The following ZFAND3 variants were observed in gnomAD, a reference collection of about 807,000 sequenced individuals.
ZFAND3 encodes the protein zinc finger AN1-type containing 3.
In ZFAND3, 10 loss-of-function variants were observed where a neutral mutation model predicts 29.6. The observed-to-expected ratio is 0.34, with a 90% CI of 0.21 to 0.57. The LOEUF is 0.57. Among genes scored for constraint, ZFAND3 ranks in the 20% least tolerant of loss-of-function variants. The pLI is 0.86. For missense variants in ZFAND3, 230 were observed against 304.5 expected, an observed-to-expected ratio of 0.76 and a Z score of 1.82; for synonymous variants, 128 against 112.6, an observed-to-expected ratio of 1.14 and a Z score of -0.87.
chr6:37,924,833 A>T (rs1475396751), intron 1 of ZFAND3, among the ~76,000 whole-genome samples: 1 of 152,038 alleles, frequency 6.6e-6, no homozygotes, highest in African/African-American at 2.4e-5. Flanking sequence ...AAAAAATAAA[A>T]AAATAAATTG....
intron 4 of ZFAND3, among the ~76,000 whole-genome samples, chr6:38,090,000 C>T (rs572704689): frequency 1.2e-4 from 18 of 152,156 alleles, no homozygotes; most frequent in African/African-American, 3.9e-4. Flanking sequence ...ACTACAGGTG[C>T]GTGCCACCAC....
Position 37,820,957 on chromosome 6 carries a change from A to T in ZFAND3, c.71+941A>T, listed in dbSNP as rs572503338. Among the ~76,000 whole-genome samples the T allele has an allele frequency of 5.9e-5, 9 of 152,366 alleles. No individual in the cohort carries two copies. In the East Asian group the frequency reaches 1.7e-3, roughly 29 times the overall value. ...TCATACCACATGACTGTAGTTCTGC[A>T]GTAAGAAAGCTGGAGACTTTGAAGG... On this transcript the variant is annotated intron_variant, in intron 1 of 5. Coordinates refer to ENST00000287218, the MANE Select transcript of ZFAND3 (RefSeq NM_021943.3).
intron 1 of ZFAND3, among the ~76,000 whole-genome samples, chr6:37,919,850 T>C (rs1023825119): frequency 6.6e-6 from 1 of 152,200 alleles, no homozygotes; most frequent in African/African-American, 2.4e-5. Flanking sequence ...ATATTAGAGT[T>C]GGCTTGACAT....
At chr6:37,834,877 CAGTTTT>C (rs1478148244) in intron 1 of ZFAND3, among the ~76,000 whole-genome samples, 2 of 150,006 alleles carry the variant, frequency 1.3e-5, no homozygotes, top group Non-Finnish European at 3.0e-5. Context: ...TAGATACTAC[CAGTTTT>C]CAAAAATGAT....
intron 2 of ZFAND3, among the ~76,000 whole-genome samples, chr6:37,955,080 T>C (rs965544993): frequency 2.0e-5 from 3 of 152,080 alleles, no homozygotes; most frequent in Non-Finnish European, 4.4e-5. Flanking sequence ...TCTCTTCCAG[T>C]ACTCTGTCCT....
chr6:38,064,089 C>T (rs1258609481), intron 3 of ZFAND3, among the ~76,000 whole-genome samples: 1 of 152,166 alleles, frequency 6.6e-6, no homozygotes, highest in Non-Finnish European at 1.5e-5. Flanking sequence ...GAAAAATATA[C>T]ACCATCCATT....
chr6:38,067,081 T>G (rs1215062913), intron 3 of ZFAND3, among the ~76,000 whole-genome samples: 2 of 152,238 alleles, frequency 1.3e-5, no homozygotes, highest in Admixed American at 1.3e-4. Context: ...GTATCCTTGC[T>G]AAGTACCAGG....
intron 1 of ZFAND3, among the ~76,000 whole-genome samples, chr6:37,857,107 C>CT (rs1764398519): frequency 1.3e-5 from 2 of 152,016 alleles, no homozygotes; most frequent in Non-Finnish European, 2.9e-5. Flanking sequence ...CATGTCTGGC[C>CT]TTTTTACTTT....
intron 2 of ZFAND3, among the ~76,000 whole-genome samples, chr6:37,967,689 A>G (rs1762316954): frequency 6.6e-6 from 1 of 152,204 alleles, no homozygotes; most frequent in Admixed American, 6.5e-5. Context: ...TTTCTTTTAT[A>G]GTGTTCTCTT....
At chr6:37,915,898 T>C (rs537065550) in intron 1 of ZFAND3, among the ~76,000 whole-genome samples, 1 of 152,288 alleles carries the variant, frequency 6.6e-6, no homozygotes, top group South Asian at 2.1e-4. Context: ...GGCTCCCAAG[T>C]AGCTGGGATT....
intron 1 of ZFAND3, among the ~76,000 whole-genome samples, chr6:37,892,853 GA>G (rs765456199): frequency 6.6e-6 from 1 of 152,148 alleles, no homozygotes; most frequent in Non-Finnish European, 1.5e-5. Context: ...ATATAACTTA[GA>G]GGAAATGCAT....
chr6:37,903,847 C>G (rs548686601), intron 1 of ZFAND3, among the ~76,000 whole-genome samples: 1 of 152,090 alleles, frequency 6.6e-6, no homozygotes, highest in Non-Finnish European at 1.5e-5. Flanking sequence ...ACAATAGTCC[C>G]TTTATGAGGT....
intron 1 of ZFAND3, among the ~76,000 whole-genome samples, chr6:37,832,297 G>C (rs1763877363): frequency 6.6e-6 from 1 of 152,164 alleles, no homozygotes; most frequent in South Asian, 2.1e-4. Flanking sequence ...GAGAAGAGAG[G>C]CAGCAGGGTC....
chr6:37,943,326 T>C lies in ZFAND3; in HGVS notation c.112+13327T>C, dbSNP rs187435957. On this transcript the variant is annotated intron_variant, in intron 2 of 5. Transcript: ENST00000287218. ...AATTGTTCAGTTTTCTGAGTAAAGA[T>C]ATTAAAGTTTAAATGTGCTTCCATC... Among the ~76,000 whole-genome samples the C allele has an allele frequency of 2.0e-5, 3 of 152,288 alleles. No homozygotes were observed. The East Asian group carries it at 5.8e-4, about 29-fold the overall frequency.
Position 37,819,876 on chromosome 6 carries a change from C to G in ZFAND3, c.-70C>G, listed in dbSNP as rs976676087. ...CCCCCCGACGCCGCCGCCACCGCCT[C>G]CTCAGAGCGGGGCCCGGGCCCAGCC... On this transcript the variant is annotated 5_prime_UTR_variant, in exon 1 of 6. Coordinates refer to ENST00000287218, the MANE Select transcript of ZFAND3 (RefSeq NM_021943.3). 2 of 1,124,960 alleles carry G rather than the reference C, an allele frequency of 1.8e-6. No individual in the cohort carries two copies. The highest frequency in any genetic ancestry group is 4.3e-5 in the South Asian group (1 of 23,192). 69.7% of individuals were successfully genotyped at this position (1,124,960 alleles called of 1,614,324 possible).
chr6:37,865,046 C>T (rs368084117), intron 1 of ZFAND3, among the ~76,000 whole-genome samples: 17 of 152,044 alleles, frequency 1.1e-4, no homozygotes, highest in African/African-American at 3.6e-4. Context: ...GGCATGGTGG[C>T]GGGCACCTAT....
chr6:38,057,340 A>G (rs1486401599), intron 2 of ZFAND3, among the ~76,000 whole-genome samples: 3 of 152,114 alleles, frequency 2.0e-5, no homozygotes, highest in Non-Finnish European at 2.9e-5. Context: ...TTTGGCAGTA[A>G]TCAGAAGTTG....
intron 3 of ZFAND3, 39 bp from the exon 4 acceptor site, chr6:38,082,353 G>T (rs779042730): frequency 6.3e-7 from 1 of 1,582,146 alleles, no homozygotes; most frequent in Non-Finnish European, 8.6e-7. Context: ...GCATGTAAAG[G>T]ATGTGTCCTG....
chr6:37,820,188 C>T (rs947709735), intron 1 of ZFAND3, among the ~76,000 whole-genome samples, 172 bp downstream of exon 1: 5 of 122,658 alleles, frequency 4.1e-5, no homozygotes, highest in African/African-American at 1.5e-4. Context: ...GGGTGGGGAG[C>T]TGGGGGTGGG....
Sources: gnomAD v4.1 joint callset for allele counts (sites outside exome capture counted in the v4.1 genomes callset) on GRCh38, gnomAD v4.1.1 for gene constraint, MANE v1.5 for transcripts, NCBI Gene and HGNC (gene_info 2026-07-23, HGNC 2026-07-21) for gene names.